The following GALC variants were observed in gnomAD, a reference collection of about 807,000 sequenced individuals.
The protein encoded by GALC is galactocerebrosidase.
Under a neutral mutation model 91.8 loss-of-function variants are expected in GALC, and 77 were observed. That is an observed-to-expected ratio of 0.84 (90% CI 0.70 to 1.01). The LOEUF is 1.01. Among genes scored for constraint, GALC ranks in the 50% least tolerant of loss-of-function variants. The pLI, the probability that GALC is intolerant of heterozygous loss-of-function variation, is 0.00. For missense variants in GALC, 882 were observed against 855.9 expected (o/e 1.03, Z -0.38); for synonymous variants, 357 against 306.7 (o/e 1.16, Z -1.71).
intron 4 of GALC, among the ~76,000 whole-genome samples, chr14:87,985,092 T>G (rs904242345): frequency 2.0e-5 from 3 of 152,210 alleles, no homozygotes; most frequent in African/African-American, 7.2e-5. Flanking sequence ...CATAGAGAAA[T>G]ATACCCTTGT....
At chr14:87,963,619 A>G in intron 9 of GALC, 108 bp from the exon 10 acceptor site, 2 of 929,946 alleles carry the variant, frequency 2.2e-6, no homozygotes, top group Non-Finnish European at 3.3e-6. Flanking sequence ...CATCCAAACA[A>G]GCTATTTTCT....
At chr14:87,973,300 G>C (rs1013909356) in intron 7 of GALC, among the ~76,000 whole-genome samples, 1 of 152,102 alleles carries the variant, frequency 6.6e-6, no homozygotes, top group Non-Finnish European at 1.5e-5. Context: ...AAATGAGGGA[G>C]AAACTTTGGC....
At chr14:87,936,445 G>A (rs1884571004) in intron 16 of GALC, among the ~76,000 whole-genome samples, 1 of 150,964 alleles carries the variant, frequency 6.6e-6, no homozygotes. Context: ...ATTGTCTATT[G>A]TCTATGGCTT....
intron 10 of GALC, among the ~76,000 whole-genome samples, chr14:87,958,359 T>TA (rs1334404425): frequency 1.3e-5 from 2 of 151,570 alleles, no homozygotes; most frequent in Non-Finnish European, 2.9e-5. Flanking sequence ...GAATAATCAC[T>TA]AAAAAAAACT....
intron 6 of GALC, chr14:87,980,657 G>A (rs17123955): frequency 0.025 from 4,234 of 172,564 alleles, 190 homozygotes; most frequent in African/African-American, 0.094. Flanking sequence ...TCCTCTGTGC[G>A]CCTTTTAAGA....
chr14:87,984,569 G>C (rs765745480), intron 4 of GALC, 36 bp from the exon 5 acceptor site: 1 of 1,612,824 alleles, frequency 6.2e-7, no homozygotes, highest in Non-Finnish European at 8.5e-7. Context: ...GGTAGAGGAG[G>C]TATAACGGTG....
intron 7 of GALC, among the ~76,000 whole-genome samples, chr14:87,973,903 T>C (rs1265282918): frequency 6.6e-6 from 1 of 152,182 alleles, no homozygotes; most frequent in African/African-American, 2.4e-5. Flanking sequence ...GAGGCAAAAT[T>C]ATTCTCAGTT....
chr14:87,980,470 C>A, intron 6 of GALC: 3 of 978,742 alleles, frequency 3.1e-6, no homozygotes, highest in Non-Finnish European at 3.6e-6. Flanking sequence ...TCTAATCCAT[C>A]TTTCATGACT....
chr14:87,986,468 A>G (rs1400047805), intron 4 of GALC, 21 bp downstream of exon 4: 3 of 1,402,866 alleles, frequency 2.1e-6, no homozygotes, highest in Non-Finnish European at 2.0e-6. Flanking sequence ...CTGAAGAAAC[A>G]TTGCAAACTT....
rs1886151039 is a variant in GALC, at chr14:87,968,527, T to C, written c.753-37A>G. On this transcript the variant is annotated intron_variant, in intron 7 of 16. Coordinates refer to ENST00000261304, the MANE Select transcript of GALC (RefSeq NM_000153.4). The stretch of plus-strand genomic sequence containing the variant: ...AAGGGTGGAAGTCAATGAAAAAAGG[T>C]CACGACGTGGCACTTATATACGTAT... The C allele has an allele frequency of 1.9e-6, 3 of 1,600,966 alleles. No individual in the cohort carries two copies. The South Asian group carries it at 3.3e-5, about 18-fold the overall frequency.
intron 14 of GALC, among the ~76,000 whole-genome samples, chr14:87,943,183 G>A (rs2285008): frequency 5.9e-5 from 9 of 151,796 alleles, no homozygotes; most frequent in African/African-American, 2.2e-4. Context: ...CAGTAATGCT[G>A]AAAGAACAAA....
chr14:87,954,206 G>C lies in GALC; in HGVS notation c.1162-3458C>G, dbSNP rs540006115. 8.9e-6 allele frequency: 14 copies of C among 1,567,912 alleles called. No individual in the cohort carries two copies. In the East Asian group the frequency reaches 2.0e-4, roughly 23 times the overall value. On this transcript the variant is annotated intron_variant, in intron 10 of 16. Coordinates refer to ENST00000261304, the MANE Select transcript of GALC (RefSeq NM_000153.4). ...ATTCCTACCTCAGAGATCTTCCTCC[G>C]AGGCAGCCTCAGAGGGTGAACAGTA... is the stretch of plus-strand genomic sequence containing the variant.
rs1595189940 is a variant in GALC, at chr14:87,941,418, G to C, written c.1811C>G (p.Ser604Cys). ...ACCTAAATCACCTGTAACCCTGTAA[G>C]ATCCATTTGCAAAAATCCAGAAGAA... is the stretch of plus-strand genomic sequence containing the variant. ...GIFFWIFANGSYRVTGDLAGW... is the reference protein window; with the variant it reads ...GIFFWIFANGCYRVTGDLAGW... The change falls in exon 15 of 17, where the codon TCT becomes TGT. Residue 604 changes from serine to cysteine, a missense_variant. By Grantham distance (112) the Ser-to-Cys change is moderately radical. Coordinates refer to ENST00000261304, the MANE Select transcript of GALC (RefSeq NM_000153.4). The C allele has an allele frequency of 6.2e-7, 1 of 1,601,258 alleles. No individual in the cohort carries two copies. The highest frequency in any genetic ancestry group is 8.5e-7 in the Non-Finnish European group (1 of 1,172,764).
At chr14:87,955,647 T>C (rs2139975008) in intron 10 of GALC, among the ~76,000 whole-genome samples, 1 of 152,236 alleles carries the variant, frequency 6.6e-6, no homozygotes, top group Middle Eastern at 3.4e-3. Flanking sequence ...TTAGTTTATA[T>C]AAACCTCTGT....
In GALC at chr14:87,934,895, C is replaced by T. The variant is rs1294147737; in HGVS notation, c.1912-17G>A. 6.4e-7 allele frequency: 1 copy of T among 1,571,448 alleles called. No homozygotes were observed. On this transcript the variant is annotated splice_polypyrimidine_tract_variant and intron_variant, in intron 16 of 16. Coordinates refer to ENST00000261304, the MANE Select transcript of GALC (RefSeq NM_000153.4). ...GAAATGACCCTAGAGTAGAAAGAAACACATTCCTTGAAACCATATGAAAAT... is the reference window on the plus strand; with the variant it reads ...GAAATGACCCTAGAGTAGAAAGAAATACATTCCTTGAAACCATATGAAAAT...
chr14:87,971,260 G>T (rs147211413), intron 7 of GALC, among the ~76,000 whole-genome samples: 1 of 152,290 alleles, frequency 6.6e-6, no homozygotes, highest in Non-Finnish European at 1.5e-5. Context: ...ATGGAAACTA[G>T]AAGTGAAAGG....
At chr14:87,983,035 C>T (rs1243370491) in intron 5 of GALC, among the ~76,000 whole-genome samples, 1 of 152,104 alleles carries the variant, frequency 6.6e-6, no homozygotes, top group East Asian at 1.9e-4. Flanking sequence ...TTATAAATGT[C>T]CTGACATTTA....
At chr14:87,965,836 A>G (rs992148870) in intron 8 of GALC, among the ~76,000 whole-genome samples, 1 of 152,204 alleles carries the variant, frequency 6.6e-6, no homozygotes, top group Non-Finnish European at 1.5e-5. Flanking sequence ...AATATTTTTA[A>G]TGGTGAATCA....
chr14:87,992,818 C>T lies in GALC; in HGVS notation c.195+152G>A, dbSNP rs1057205311. 20 of 1,402,642 alleles carry T rather than the reference C, an allele frequency of 1.4e-5. No homozygotes were observed. In the African/African-American group the frequency reaches 2.9e-4, roughly 21 times the overall value. The allele number at this position is 1,402,642 out of a possible 1,614,324, so 86.9% of individuals were successfully genotyped here. A position where few individuals can be genotyped will look rare whatever the true frequency, so the allele number is the denominator to read the frequency against. On this transcript the variant is annotated intron_variant, in intron 1 of 16. Transcript: ENST00000261304. Reference sequence around the variant, plus strand: ...ACCCGCCCCAGCCCCGCAGCGGGCCCGCCCCAACCGCCTGCTGACTGGCAC... The same window carrying T: ...ACCCGCCCCAGCCCCGCAGCGGGCCTGCCCCAACCGCCTGCTGACTGGCAC...
Sources: allele counts gnomAD v4.1 joint callset (sites outside exome capture counted in the v4.1 genomes callset), GRCh38; gene constraint gnomAD v4.1.1; transcripts MANE v1.5; gene names NCBI Gene and HGNC (gene_info 2026-07-23, HGNC 2026-07-21).